Variants in CDC42BPA observed in about 807,000 individuals in gnomAD.
The protein encoded by CDC42BPA is CDC42 binding protein kinase alpha.
A neutral mutation model predicts 223.5 loss-of-function variants in CDC42BPA; 80 were observed. That is an observed-to-expected ratio of 0.36 (90% CI 0.30 to 0.43). CDC42BPA has a LOEUF of 0.43. CDC42BPA is among the 20% of genes least tolerant of loss of function. The pLI is 1.00. For synonymous variants in CDC42BPA, 694 were observed against 718.6 expected, an observed-to-expected ratio of 0.97 and a Z score of 0.55; for missense variants, 1,743 against 2,099.9, an observed-to-expected ratio of 0.83 and a Z score of 3.32.
intron 3 of CDC42BPA, among the ~76,000 whole-genome samples, chr1:227,204,673 T>C (rs115808061): frequency 2.6e-5 from 4 of 152,200 alleles, no homozygotes; most frequent in African/African-American, 9.7e-5. Flanking sequence ...AAAATTTTTT[T>C]AAATTTTACA....
chr1:227,220,835 A>C (rs1335317149), intron 2 of CDC42BPA, among the ~76,000 whole-genome samples: 2 of 152,234 alleles, frequency 1.3e-5, no homozygotes, highest in Non-Finnish European at 2.9e-5. Flanking sequence ...TATCAATTGA[A>C]AAACTTTTCC....
rs1668391864 is a variant in CDC42BPA, at chr1:227,184,203, G to A, written c.599+9583C>T. On this transcript the variant is annotated intron_variant, in intron 5 of 36. Coordinates refer to ENST00000366766, the MANE Select transcript of CDC42BPA (RefSeq NM_001394014.1). ...AGCACATAATTTTAATTTTAATGAA[G>A]TCCCATTTATTCATTTTTATTGATT... Among the ~76,000 whole-genome samples the A allele has an allele frequency of 2.0e-5, 3 of 151,860 alleles. No individual in the cohort carries two copies. The South Asian group carries it at 6.2e-4, about 32-fold the overall frequency.
intron 1 of CDC42BPA, among the ~76,000 whole-genome samples, chr1:227,255,439 G>A (rs574509997): frequency 7.3e-6 from 1 of 136,296 alleles, no homozygotes; most frequent in South Asian, 2.3e-4. Flanking sequence ...GTTTTGTAAG[G>A]AAAGGAAAGA....
intron 1 of CDC42BPA, chr1:227,265,273 G>C (rs1684791077): frequency 1.9e-6 from 1 of 515,990 alleles, no homozygotes; most frequent in Admixed American, 3.2e-5. Context: ...GTGAGACCTT[G>C]AGAAGTTATT....
intron 2 of CDC42BPA, among the ~76,000 whole-genome samples, chr1:227,229,725 A>C (rs548543891): frequency 7.9e-5 from 12 of 152,276 alleles, no homozygotes; most frequent in African/African-American, 2.6e-4. Flanking sequence ...GCCGGGCATA[A>C]AGTCTTAGAT....
At chr1:227,096,112 T>G (rs1683953480) in intron 15 of CDC42BPA, among the ~76,000 whole-genome samples, 1 of 152,182 alleles carries the variant, frequency 6.6e-6, no homozygotes, top group South Asian at 2.1e-4. Flanking sequence ...TGAAGATAAA[T>G]TATAATTTAA....
chr1:227,180,660 ACTAT>A (rs1279359102), intron 5 of CDC42BPA: 3 of 152,254 alleles, frequency 2.0e-5, no homozygotes, highest in Non-Finnish European at 2.9e-5. Context: ...CAACATTCTG[ACTAT>A]CTATGTAAAT....
In CDC42BPA at chr1:227,034,666, C is replaced by T. The variant is rs1558336173; in HGVS notation, c.3465G>A (p.Val1155=). 1 of 1,610,312 alleles carries T rather than the reference C, an allele frequency of 6.2e-7. No homozygotes were observed. Among genetic ancestry groups the T allele is most frequent in the Non-Finnish European group, 8.5e-7 (1 of 1,178,280 alleles). ...CTTCAAACTCTTACCTCATGTCAATCACTTGACTAATGACAACACTGGGCT... is the reference window on the plus strand; with the variant it reads ...CTTCAAACTCTTACCTCATGTCAATTACTTGACTAATGACAACACTGGGCT... The part of the protein sequence containing the change: ...ASQPSVVISQ[V]IDMRDEEFSV... The change falls in exon 26 of 37, where the codon GTG becomes GTA. Residue 1155 remains valine (V), a synonymous_variant. Coordinates refer to ENST00000366766, the MANE Select transcript of CDC42BPA (RefSeq NM_001394014.1).
Position 227,005,032 on chromosome 1 carries a change from G to C in CDC42BPA, c.4937C>G (p.Pro1646Arg). ...IPSITKSRPE[P>R]GRSMSASSGL... Reference sequence around the variant, plus strand: ...ACTGCTAGCACTCATGGAGCGGCCTGGCTCAGGGCGGGATTTGGTGATAGA... The same window carrying C: ...ACTGCTAGCACTCATGGAGCGGCCTCGCTCAGGGCGGGATTTGGTGATAGA... Residue 1646 changes from proline to arginine, a missense_variant, in exon 35 of 37, where the codon CCA (proline) becomes CGA (arginine). Coordinates refer to ENST00000366766, the MANE Select transcript of CDC42BPA (RefSeq NM_001394014.1). The C allele has an allele frequency of 6.2e-7, 1 of 1,614,160 alleles. No individual in the cohort carries two copies. The highest frequency in any genetic ancestry group is 8.5e-7 in the Non-Finnish European group (1 of 1,179,986).
chr1:227,308,786 T>C (rs754606032), intron 1 of CDC42BPA, among the ~76,000 whole-genome samples: 1 of 152,182 alleles, frequency 6.6e-6, no homozygotes, highest in Non-Finnish European at 1.5e-5. Flanking sequence ...CTTGTAGATA[T>C]TCACCATGGA....
chr1:227,048,274 C>T (rs1239866408), intron 22 of CDC42BPA, among the ~76,000 whole-genome samples: 1 of 151,784 alleles, frequency 6.6e-6, no homozygotes, highest in Admixed American at 6.6e-5. Flanking sequence ...TCATTTGGAT[C>T]AAATGATTCA....
At chr1:227,269,238 A>T (rs1231178524) in intron 1 of CDC42BPA, among the ~76,000 whole-genome samples, 9 of 152,238 alleles carry the variant, frequency 5.9e-5, no homozygotes, top group Admixed American at 5.9e-4. Flanking sequence ...CTTGTGTGTC[A>T]GTCTGCTGAC....
chr1:227,254,193 AAAT>A, intron 1 of CDC42BPA, 38 bp from the exon 2 acceptor site: 1 of 1,044,554 alleles, frequency 9.6e-7, no homozygotes, highest in Non-Finnish European at 1.4e-6. Flanking sequence ...TTTCTTAATA[AAAT>A]GTGATGCAAA....
chr1:227,064,535 G>A (rs1471418233), intron 21 of CDC42BPA, among the ~76,000 whole-genome samples: 1 of 152,084 alleles, frequency 6.6e-6, no homozygotes, highest in Non-Finnish European at 1.5e-5. Context: ...GGAATAGATG[G>A]GGGAAAGAAA....
intron 24 of CDC42BPA, among the ~76,000 whole-genome samples, chr1:227,036,421 C>CTTTTTTTT (rs56254464): frequency 1.4e-5 from 1 of 71,130 alleles, no homozygotes; most frequent in Non-Finnish European, 2.6e-5. Context: ...CTTCAATTCA[C>CTTTTTTTT]TTTTTTTTTT....
Position 227,141,046 on chromosome 1 carries a change from G to T in CDC42BPA, c.1224-1304C>A, listed in dbSNP as rs185905403. ...GTGCCCTAGAAGACAGGAGAAGGTG[G>T]TATTTTAAAAGTATGGAGCTGTGGC... On this transcript the variant is annotated intron_variant, in intron 9 of 36. Coordinates refer to ENST00000366766, the MANE Select transcript of CDC42BPA (RefSeq NM_001394014.1). 8.5e-5 allele frequency among the ~76,000 whole-genome samples: 13 copies of T among 152,306 alleles called. No homozygotes were observed. The East Asian group carries it at 1.9e-3, about 23-fold the overall frequency.
intron 3 of CDC42BPA, among the ~76,000 whole-genome samples, chr1:227,201,400 C>A (rs986029319): frequency 6.6e-6 from 1 of 152,106 alleles, no homozygotes; most frequent in African/African-American, 2.4e-5. Flanking sequence ...TTCCAGCCCC[C>A]TCAAAGTGCT....
At chr1:227,303,976 AT>A (rs1470330965) in intron 1 of CDC42BPA, among the ~76,000 whole-genome samples, 1 of 152,200 alleles carries the variant, frequency 6.6e-6, no homozygotes, top group Non-Finnish European at 1.5e-5. Context: ...ACCTTGAAAA[AT>A]TTGAGATTAT....
chr1:227,149,765 G>A (rs889189169), intron 6 of CDC42BPA, among the ~76,000 whole-genome samples: 2 of 152,088 alleles, frequency 1.3e-5, no homozygotes, highest in Non-Finnish European at 2.9e-5. Flanking sequence ...GGAAAATTTG[G>A]AAGAAAGGCT....
Sources: gnomAD v4.1 joint callset for allele counts (sites outside exome capture counted in the v4.1 genomes callset) on GRCh38, gnomAD v4.1.1 for gene constraint, MANE v1.5 for transcripts, NCBI Gene and HGNC (gene_info 2026-07-23, HGNC 2026-07-21) for gene names.